Variants in FTCD observed in about 807,000 individuals in gnomAD.
The protein encoded by FTCD is formimidoyltransferase-cyclodeaminase.
In FTCD, 76 loss-of-function variants were observed where a neutral mutation model predicts 62.9. The ratio of observed to expected loss-of-function variants is 1.21; its 90% CI spans 1.00 to 1.46. The LOEUF (loss-of-function observed/expected upper bound fraction) is 1.46, where lower values mean the gene tolerates loss of function less well. Among genes scored for constraint, FTCD ranks in the 40% most tolerant of loss-of-function variants. The probability of loss-of-function intolerance (pLI) is 0.00; values close to 1 mark genes in which losing one functional copy is unlikely to be tolerated. For synonymous variants in FTCD, 397 were observed against 336.9 expected, an observed-to-expected ratio of 1.18 and a Z score of -1.95; for missense variants, 845 against 751.3, an observed-to-expected ratio of 1.12 and a Z score of -1.46.
chr21:46,141,479 G>A (rs938071106), intron 10 of FTCD, among the ~76,000 whole-genome samples: 1 of 152,002 alleles, frequency 6.6e-6, no homozygotes, highest in Non-Finnish European at 1.5e-5. Context: ...ATTCATGACT[G>A]TCTTCAAATG....
chr21:46,136,276 A>T, downstream of FTCD: 1 of 606,664 alleles, frequency 1.6e-6, no homozygotes, highest in South Asian at 2.1e-5. Context: ...TTGCTAAATT[A>T]TTTTTTAATG....
intron 3 of FTCD, 59 bp from the exon 4 acceptor site, chr21:46,152,039 G>T: frequency 8.1e-7 from 1 of 1,238,942 alleles, no homozygotes; most frequent in South Asian, 1.3e-5. Flanking sequence ...CTCAGTTCCT[G>T]GAGGACGCAG....
chr21:46,144,320 C>G (rs555696050), intron 10 of FTCD, among the ~76,000 whole-genome samples: 2 of 148,668 alleles, frequency 1.3e-5, no homozygotes, highest in East Asian at 2.0e-4. Flanking sequence ...TCTCTACACA[C>G]GGGGAGAAAA....
At chr21:46,152,864 A>G (rs768125359) in intron 3 of FTCD, 43 bp downstream of exon 3, 30 of 1,292,212 alleles carry the variant, frequency 2.3e-5, no homozygotes, top group Non-Finnish European at 3.1e-5. Context: ...ACCCACACCA[A>G]TGAGACGGGA....
intron 7 of FTCD, among the ~76,000 whole-genome samples, chr21:46,147,890 C>T (rs989554261): frequency 1.3e-5 from 2 of 150,632 alleles, no homozygotes; most frequent in Non-Finnish European, 2.9e-5. Context: ...TTGCAGTGAG[C>T]CGAGATCACA....
chr21:46,136,318 G>C, downstream of FTCD: 1 of 830,268 alleles, frequency 1.2e-6, no homozygotes, highest in Non-Finnish European at 1.9e-6. Flanking sequence ...AGGCTGGCTG[G>C]GCAGGGAGCT....
At chr21:46,140,338 G>A (rs1428608096) in intron 10 of FTCD, among the ~76,000 whole-genome samples, 4 of 149,372 alleles carry the variant, frequency 2.7e-5, no homozygotes, top group Non-Finnish European at 4.4e-5. Context: ...TGCTCAGAGG[G>A]AGTGTAAACC....
downstream of FTCD, chr21:46,136,482 G>A: frequency 6.2e-7 from 1 of 1,612,630 alleles, no homozygotes; most frequent in South Asian, 1.1e-5. Context: ...AGGTCCTGCT[G>A]TCCCTGGGGT....
intron 11 of FTCD, 105 bp downstream of exon 11, chr21:46,138,775 C>A: frequency 1.4e-6 from 2 of 1,433,202 alleles, no homozygotes; most frequent in Admixed American, 1.7e-5. Context: ...ACACCCAGCA[C>A]GCCCAGGCCA....
rs553339299 is a variant in FTCD, at chr21:46,137,936, A to T, written c.1443+572T>A. 2.8e-4 allele frequency among the ~76,000 whole-genome samples: 43 copies of T among 152,254 alleles called. No individual in the cohort carries two copies. In the East Asian group the frequency reaches 8.1e-3, roughly 29 times the overall value. On this transcript the variant is annotated intron_variant, in intron 12 of 13. Coordinates refer to ENST00000397746, the MANE Select transcript of FTCD (RefSeq NM_206965.2). ...TTTTGACCCAGGGTCTTGCTCTGTC[A>T]CCAAGGCTGGAGCGCAGTGGTGTGA...
rs763845321 is a variant in FTCD at position 46,138,598 on chromosome 21, C to T, written c.1353G>A (p.Pro451=). Residue 451 remains proline (P), a synonymous_variant, in exon 12 of 14, where the codon CCG becomes CCA. Transcript: ENST00000397746. Reference sequence around the variant, plus strand: ...AGGCCACCGTCTCCGCCAGCGTCAGCGGCACAGAGACTGCCCGCCTCAGAC... The same window carrying T: ...AGGCCACCGTCTCCGCCAGCGTCAGTGGCACAGAGACTGCCCGCCTCAGAC... ...QEGLRRAVSV[P]LTLAETVASL... The T allele has an allele frequency of 1.2e-5, 19 of 1,590,554 alleles. No homozygotes were observed. Among genetic ancestry groups the T allele is most frequent in the Admixed American group, 5.1e-5 (3 of 58,324 alleles).
intron 1 of FTCD, 75 bp from the exon 2 acceptor site, chr21:46,154,407 A>AC (rs2079381481): frequency 2.7e-6 from 4 of 1,495,486 alleles, no homozygotes; most frequent in Admixed American, 2.0e-5. Context: ...AGGTGGCTGC[A>AC]CCCCGAGACA....
intron 1 of FTCD, among the ~76,000 whole-genome samples, chr21:46,154,674 C>T (rs1184253966): frequency 6.6e-6 from 1 of 152,236 alleles, no homozygotes; most frequent in Non-Finnish European, 1.5e-5. Flanking sequence ...CACAGAGGGG[C>T]CGGGACCCCC....
rs757064013 is a variant in FTCD at position 46,151,673 on chromosome 21, G to A, written c.521C>T (p.Thr174Met). 1.6e-5 allele frequency: 26 copies of A among 1,612,890 alleles called. No homozygotes were observed. Among genetic ancestry groups the A allele is most frequent in the African/African-American group, 5.3e-5 (4 of 74,946 alleles). Reference sequence around the variant, plus strand: ...GAGGAACTTCCTCGCCCCCGTGGCCGTGGCCCCCCAACTGGGGACAAAGGA... The same window carrying A: ...GAGGAACTTCCTCGCCCCCGTGGCCATGGCCCCCCAACTGGGGACAAAGGA... ...PSSFVPSWGA[T>M]ATGARKFLIA... is the part of the protein sequence containing the mutation. Residue 174 changes from threonine (T) to methionine (M), a missense_variant, in exon 5 of 14, where the codon ACG becomes ATG. By Grantham distance (81) the Thr-to-Met change is moderately conservative. Coordinates refer to ENST00000397746, the MANE Select transcript of FTCD (RefSeq NM_206965.2).
intron 5 of FTCD, among the ~76,000 whole-genome samples, chr21:46,150,908 G>A (rs567006199): frequency 3.3e-5 from 5 of 152,220 alleles, no homozygotes; most frequent in African/African-American, 7.2e-5. Flanking sequence ...CGCACTTGTC[G>A]GGGTGACTGA....
chr21:46,141,230 T>C (rs1463377095), intron 10 of FTCD, among the ~76,000 whole-genome samples: 1 of 148,980 alleles, frequency 6.7e-6, no homozygotes, highest in Non-Finnish European at 1.5e-5. Flanking sequence ...CTCAAACTCC[T>C]GGCCTCAAGC....
intron 1 of FTCD, 89 bp downstream of exon 1, chr21:46,155,381 C>T: frequency 1.8e-6 from 2 of 1,137,406 alleles, no homozygotes; most frequent in South Asian, 2.5e-5. Flanking sequence ...CCCGGGACAC[C>T]AAGCCCACCA....
intron 10 of FTCD, among the ~76,000 whole-genome samples, chr21:46,139,863 G>A (rs932539480): frequency 2.6e-5 from 4 of 152,252 alleles, no homozygotes; most frequent in African/African-American, 9.6e-5. Context: ...TGCGACTCGC[G>A]CTACGAACAC....
At chr21:46,139,026 G>C in intron 10 of FTCD, 103 bp from the exon 11 acceptor site, 1 of 895,096 alleles carries the variant, frequency 1.1e-6, no homozygotes, top group South Asian at 1.3e-5. Flanking sequence ...GTCCCAGGCA[G>C]GGACCAGTTC....
Sources: gnomAD v4.1 joint callset for allele counts (sites outside exome capture counted in the v4.1 genomes callset) on GRCh38, gnomAD v4.1.1 for gene constraint, MANE v1.5 for transcripts, NCBI Gene and HGNC (gene_info 2026-07-23, HGNC 2026-07-21) for gene names.